The following ANKRD11 variants were observed in gnomAD, a reference collection of about 807,000 sequenced individuals.
ANKRD11 encodes the protein ankyrin repeat domain 11.
ANKRD11 carries 17 observed loss-of-function variants against 195.7 expected under a neutral mutation model. The ratio of observed to expected loss-of-function variants is 0.09; its 90% CI spans 0.06 to 0.13. The LOEUF (loss-of-function observed/expected upper bound fraction) is 0.13. Among genes scored for constraint, ANKRD11 ranks in the 10% least tolerant of loss-of-function variants. The pLI is 1.00. For synonymous variants in ANKRD11, 1,953 were observed against 1,528.1 expected (o/e 1.28, Z -6.49); for missense variants, 3,735 against 3,566.1 (o/e 1.05, Z -1.21).
intron 2 of ANKRD11, among the ~76,000 whole-genome samples, chr16:89,383,911 T>A (rs2040777221): frequency 6.6e-6 from 1 of 152,168 alleles, no homozygotes; most frequent in Admixed American, 6.5e-5. Flanking sequence ...TAGGGCCTTG[T>A]CAAACTCACC....
intron 3 of ANKRD11, among the ~76,000 whole-genome samples, chr16:89,315,713 G>C (rs569159160): frequency 6.6e-6 from 1 of 152,344 alleles, no homozygotes; most frequent in Non-Finnish European, 1.5e-5. Flanking sequence ...AAGGGTCTCA[G>C]AGCTGCTGTC....
chr16:89,414,982 C>T (rs1306182066), intron 2 of ANKRD11, among the ~76,000 whole-genome samples: 1 of 152,132 alleles, frequency 6.6e-6, no homozygotes, highest in Admixed American at 6.5e-5. Context: ...TCTCACCCTG[C>T]GGCCCAGGCT....
intron 1 of ANKRD11, among the ~76,000 whole-genome samples, chr16:89,447,363 A>T (rs2043840393): frequency 6.6e-6 from 1 of 152,150 alleles, no homozygotes; most frequent in South Asian, 2.1e-4. Context: ...GATATCACTG[A>T]ACCTCAACAA....
intron 1 of ANKRD11, among the ~76,000 whole-genome samples, chr16:89,467,575 A>G (rs2056928318): frequency 6.6e-6 from 1 of 152,082 alleles, no homozygotes; most frequent in Non-Finnish European, 1.5e-5. Context: ...TATGCTGCCC[A>G]GGCTGGTCTT....
At chr16:89,452,610 C>A (rs2044129222) in intron 1 of ANKRD11, among the ~76,000 whole-genome samples, 1 of 151,862 alleles carries the variant, frequency 6.6e-6, no homozygotes, top group Non-Finnish European at 1.5e-5. Context: ...AACCTCATCT[C>A]TACTAAAAAT....
rs778925150 is a variant in ANKRD11 at position 89,280,705 on chromosome 16, T to G, written c.5837A>C (p.Glu1946Ala). 2 of 1,613,174 alleles carry G rather than the reference T, an allele frequency of 1.2e-6. No individual in the cohort carries two copies. The highest frequency in any genetic ancestry group is 2.2e-5 in the South Asian group (2 of 91,056). ...EGPFSAVITE[E>A]PVEWAHPSEQ... is the part of the protein sequence containing the mutation. ...GGAGGGGTGGGCCCACTCAACGGGC[T>G]CCTCGGTGATGACGGCGCTGAAGGG... is the stretch of plus-strand genomic sequence containing the variant. The change falls in exon 9 of 13, where the codon GAG (glutamate) becomes GCG (alanine). Residue 1946 changes from glutamate (E) to alanine (A), a missense_variant. Physicochemically the swap from Glu to Ala is moderately radical, Grantham distance 107. Coordinates refer to ENST00000301030, the MANE Select transcript of ANKRD11 (RefSeq NM_013275.6).
At chr16:89,307,749 T>G (rs1462734361) in intron 3 of ANKRD11, among the ~76,000 whole-genome samples, 3 of 152,260 alleles carry the variant, frequency 2.0e-5, no homozygotes, top group Non-Finnish European at 4.4e-5. Flanking sequence ...GATAGGCATC[T>G]TCCTTGGGGT....
At position 89,280,804 on chromosome 16, in the gene ANKRD11, G is replaced by A. The variant is rs142373563; in HGVS notation, c.5738C>T (p.Thr1913Ile). ...GGCCGTCGCCTGCTGGTCCTCGGAG[G>A]TGTCCAGGTCCGGGGGAAGGGCCCC... ...LEGALPPDLDTSEDQQATAAI... is the reference protein window; with the variant it reads ...LEGALPPDLDISEDQQATAAI... The change falls in exon 9 of 13, where the codon ACC becomes ATC. Residue 1913 changes from threonine to isoleucine, a missense_variant. Thr to Ile is a moderately conservative substitution (Grantham distance 89). Transcript: ENST00000301030. 1.9e-6 allele frequency: 3 copies of A among 1,609,242 alleles called. No homozygotes were observed. Among genetic ancestry groups the A allele is most frequent in the Admixed American group, 1.7e-5 (1 of 59,780 alleles).
At chr16:89,396,974 G>A (rs1205163957) in intron 2 of ANKRD11, among the ~76,000 whole-genome samples, 1 of 152,154 alleles carries the variant, frequency 6.6e-6, no homozygotes, top group African/African-American at 2.4e-5. Flanking sequence ...ATAGGCATGA[G>A]CCAGGGGACT....
chr16:89,485,869 A>T (rs2057595324), intron 1 of ANKRD11, among the ~76,000 whole-genome samples: 1 of 152,182 alleles, frequency 6.6e-6, no homozygotes, highest in Non-Finnish European at 1.5e-5. Flanking sequence ...CGAGACACTT[A>T]ATCCTCATAA....
At chr16:89,355,501 G>T (rs2039429671) in intron 2 of ANKRD11, among the ~76,000 whole-genome samples, 1 of 152,146 alleles carries the variant, frequency 6.6e-6, no homozygotes, top group Non-Finnish European at 1.5e-5. Flanking sequence ...GCTCCTCAGG[G>T]GTGAACGTGG....
chr16:89,427,058 A>G (rs576147830), intron 1 of ANKRD11, among the ~76,000 whole-genome samples: 1 of 152,370 alleles, frequency 6.6e-6, no homozygotes, highest in African/African-American at 2.4e-5. Flanking sequence ...TCAGTCAATC[A>G]ATTCAGCAGA....
intron 2 of ANKRD11, among the ~76,000 whole-genome samples, chr16:89,413,657 C>T (rs2042184039): frequency 6.6e-6 from 1 of 152,122 alleles, no homozygotes; most frequent in South Asian, 2.1e-4. Context: ...GAAGTGAACT[C>T]ACAGTGGCAC....
At chr16:89,420,807 C>G (rs1027930250) in intron 1 of ANKRD11, among the ~76,000 whole-genome samples, 3 of 152,214 alleles carry the variant, frequency 2.0e-5, no homozygotes, top group African/African-American at 7.2e-5. Flanking sequence ...GCCTCAACCT[C>G]CTGGGCCCAA....
chr16:89,472,192 T>C (rs560496588), intron 1 of ANKRD11, among the ~76,000 whole-genome samples: 1 of 152,084 alleles, frequency 6.6e-6, no homozygotes, highest in Admixed American at 6.5e-5. Flanking sequence ...CACTGCCCAA[T>C]AAACACTCGC....
chr16:89,484,311 T>A (rs1421048505), intron 1 of ANKRD11, among the ~76,000 whole-genome samples: 1 of 152,118 alleles, frequency 6.6e-6, no homozygotes, highest in African/African-American at 2.4e-5. Flanking sequence ...AAGAGAAAAA[T>A]AAGGTCCTTC....
chr16:89,293,133 G>T (rs1276726061), intron 4 of ANKRD11, among the ~76,000 whole-genome samples: 1 of 152,148 alleles, frequency 6.6e-6, no homozygotes, highest in Non-Finnish European at 1.5e-5. Context: ...TGATCCCCAA[G>T]ACCTAGCCAC....
intron 1 of ANKRD11, among the ~76,000 whole-genome samples, chr16:89,441,581 C>T (rs561677458): frequency 1.3e-5 from 2 of 151,888 alleles, no homozygotes; most frequent in African/African-American, 4.8e-5. Context: ...TCCTGGCTAA[C>T]ATGGTAAAAC....
intron 2 of ANKRD11, chr16:89,392,716 C>G (rs1452033690): frequency 6.7e-6 from 1 of 148,868 alleles, no homozygotes; most frequent in African/African-American, 2.5e-5. Context: ...GTTGAGTTCA[C>G]AGACAACGGT....
Sources: gnomAD v4.1 joint callset for allele counts (sites outside exome capture counted in the v4.1 genomes callset) on GRCh38, gnomAD v4.1.1 for gene constraint, MANE v1.5 for transcripts, NCBI Gene and HGNC (gene_info 2026-07-23, HGNC 2026-07-21) for gene names.